GASK1A: variants seen among roughly 807,000 people sequenced by gnomAD.
GASK1A encodes golgi associated kinase 1A, also known as Golgi-associated kinase 1A.
In GASK1A, 40 loss-of-function variants were observed where a neutral mutation model predicts 41.2. The ratio of observed to expected loss-of-function variants is 0.97; its 90% CI spans 0.75 to 1.27. The LOEUF (loss-of-function observed/expected upper bound fraction) is 1.27. Ranked by LOEUF, GASK1A falls within the 50% of genes most tolerant of loss-of-function variation. The probability of loss-of-function intolerance (pLI) is 0.00; values close to 1 mark genes in which losing one functional copy is unlikely to be tolerated. For synonymous variants in GASK1A, 316 were observed against 307.1 expected, an observed-to-expected ratio of 1.03 and a Z score of -0.30; for missense variants, 678 against 745.1, an observed-to-expected ratio of 0.91 and a Z score of 1.05.
intron 1 of GASK1A, among the ~76,000 whole-genome samples, chr3:43,011,995 T>A (rs2089465939): frequency 6.6e-6 from 1 of 150,876 alleles, no homozygotes; most frequent in African/African-American, 2.4e-5. Flanking sequence ...AAAGGGGCTG[T>A]GTGAAGTAAC....
rs1035734145 is a variant in GASK1A, at chr3:42,979,589, A to T, written c.-54A>T. 11 of 1,239,762 alleles carry T rather than the reference A, an allele frequency of 8.9e-6. No homozygotes were observed. In the East Asian group the frequency reaches 3.5e-4, roughly 39 times the overall value. The allele number at this position is 1,239,762 out of a possible 1,614,324, so 76.8% of individuals were successfully genotyped here. A position where few individuals can be genotyped will look rare whatever the true frequency, so the allele number is the denominator to read the frequency against. ...GGGGCGGCCAAGGGGAGGCGGGATG[A>T]GTCTGCGAGCCGGCTGAGCGCGCCG... On this transcript the variant is annotated 5_prime_UTR_variant, in exon 1 of 5. Coordinates refer to ENST00000430121, the MANE Select transcript of GASK1A (RefSeq NM_001129908.3).
chr3:43,030,425 G>A (rs139659209), intron 1 of GASK1A, among the ~76,000 whole-genome samples: 287 of 152,322 alleles, frequency 1.9e-3, no homozygotes, highest in Non-Finnish European at 3.4e-3. Flanking sequence ...AGTGAGAATG[G>A]GTTTCGTGGA....
At position 43,040,075 on chromosome 3, in the gene GASK1A, A is replaced by T. The variant is rs573564863; in HGVS notation, c.1290+6522A>T. On this transcript the variant is annotated intron_variant, in intron 2 of 4. Transcript: ENST00000430121. ...TCTCTGATTTTTACGTTCGTGTGTT[A>T]TATTTTAAAAGGCTATTCTCATTTC... Among the ~76,000 whole-genome samples, 3 of 152,294 alleles carry T rather than the reference A, an allele frequency of 2.0e-5. No individual in the cohort carries two copies. The East Asian group carries it at 5.8e-4, about 29-fold the overall frequency.
intron 1 of GASK1A, among the ~76,000 whole-genome samples, chr3:42,996,167 C>T (rs2089368274): frequency 6.6e-6 from 1 of 152,220 alleles, no homozygotes; most frequent in Non-Finnish European, 1.5e-5. Flanking sequence ...CTATGGGGCT[C>T]TTGCTCTCAG....
chr3:43,007,275 A>G (rs942306506), intron 1 of GASK1A, among the ~76,000 whole-genome samples: 5 of 152,162 alleles, frequency 3.3e-5, no homozygotes, highest in Admixed American at 2.0e-4. Context: ...GCAATATTTC[A>G]ATGTTCAGCA....
At chr3:42,998,681 C>CG (rs1349278562) in intron 1 of GASK1A, among the ~76,000 whole-genome samples, 3 of 152,148 alleles carry the variant, frequency 2.0e-5, no homozygotes, top group African/African-American at 7.2e-5. Context: ...CTATGACAGA[C>CG]GGCCCTGTGT....
At chr3:43,006,725 A>G (rs865859401) in intron 1 of GASK1A, among the ~76,000 whole-genome samples, 1 of 152,170 alleles carries the variant, frequency 6.6e-6, no homozygotes, top group Non-Finnish European at 1.5e-5. Flanking sequence ...CTGGAGGCTT[A>G]TGTGCTGTTA....
At chr3:42,980,164 G>T (rs898732155) in intron 1 of GASK1A, among the ~76,000 whole-genome samples, 1 of 152,046 alleles carries the variant, frequency 6.6e-6, no homozygotes, top group Non-Finnish European at 1.5e-5. Context: ...GTTCCAATCC[G>T]CCTTCCTCTA....
chr3:43,045,667 C>A (rs926526795), intron 2 of GASK1A, among the ~76,000 whole-genome samples: 1 of 152,134 alleles, frequency 6.6e-6, no homozygotes, highest in Non-Finnish European at 1.5e-5. Flanking sequence ...GGAGTAGGCT[C>A]ATATATGGGT....
At chr3:43,037,521 C>T in intron 2 of GASK1A, 1 of 424,660 alleles carries the variant, frequency 2.4e-6, no homozygotes, top group Admixed American at 3.6e-5. Context: ...AGAGAAAGAA[C>T]CTGCAGTTAT....
At chr3:42,985,586 T>TGTGTGGGG (rs1237908326) in intron 1 of GASK1A, among the ~76,000 whole-genome samples, 105 of 144,348 alleles carry the variant, frequency 7.3e-4, no homozygotes, top group South Asian at 1.8e-3. Flanking sequence ...TGTGTGTGTG[T>TGTGTGGGG]GGGCGGAGGC....
At chr3:42,992,824 A>G (rs2089348102) in intron 1 of GASK1A, among the ~76,000 whole-genome samples, 1 of 152,250 alleles carries the variant, frequency 6.6e-6, no homozygotes, top group East Asian at 1.9e-4. Context: ...CCAGAATCAC[A>G]GCAGATTCAC....
At chr3:42,982,063 AAAAAG>A (rs1270005754) in intron 1 of GASK1A, among the ~76,000 whole-genome samples, 6 of 152,230 alleles carry the variant, frequency 3.9e-5, no homozygotes, top group Non-Finnish European at 8.8e-5. Flanking sequence ...GAAAAAAAGA[AAAAAG>A]AAAAGAGCAT....
rs2125687155 is a variant in GASK1A, at chr3:43,033,616, C to G, written c.1290+63C>G. On this transcript the variant is annotated intron_variant, in intron 2 of 4. Transcript: ENST00000430121. Reference sequence around the variant, plus strand: ...AGGTAGGGGGTTCTGGGTGGAGAGGCCTGAATTGCCCACCTGAGGTTAGAT... The same window carrying G: ...AGGTAGGGGGTTCTGGGTGGAGAGGGCTGAATTGCCCACCTGAGGTTAGAT... The G allele has an allele frequency of 2.9e-6, 4 of 1,395,926 alleles. No individual in the cohort carries two copies. In the South Asian group the frequency reaches 6.1e-5, roughly 21 times the overall value. 86.5% of individuals were successfully genotyped at this position (1,395,926 alleles called of 1,614,324 possible).
chr3:42,979,771 C>T (rs1029966149), intron 1 of GASK1A, 126 bp downstream of exon 1: 7 of 992,938 alleles, frequency 7.0e-6, no homozygotes, highest in African/African-American at 1.7e-5. Context: ...CGGAGTTGTT[C>T]CCCGAAAGTT....
intron 1 of GASK1A, among the ~76,000 whole-genome samples, chr3:43,017,375 A>AGGAAGGGGCAGTGGGAAGTCATG (rs1559401574): frequency 2.0e-5 from 3 of 149,866 alleles, no homozygotes; most frequent in Non-Finnish European, 4.4e-5. Flanking sequence ...GTGAAGTCAT[A>AGGAAGGGGCAGTGGGAAGTCATG]GGAAGGGGCA....
At chr3:43,010,339 C>T (rs1470097923) in intron 1 of GASK1A, among the ~76,000 whole-genome samples, 1 of 152,200 alleles carries the variant, frequency 6.6e-6, no homozygotes, top group Admixed American at 6.5e-5. Flanking sequence ...TCAGTAGAAC[C>T]CTAATGCTTT....
At chr3:43,010,684 C>G (rs961469793) in intron 1 of GASK1A, among the ~76,000 whole-genome samples, 1 of 152,236 alleles carries the variant, frequency 6.6e-6, no homozygotes, top group Admixed American at 6.5e-5. Flanking sequence ...ACTTCCTCCC[C>G]ACACCCATCC....
intron 1 of GASK1A, among the ~76,000 whole-genome samples, chr3:43,000,814 G>A (rs1391943354): frequency 6.6e-6 from 1 of 152,176 alleles, no homozygotes. Flanking sequence ...CATTGTAGTT[G>A]TATTTTGGGG....
Sources: gnomAD v4.1 joint callset for allele counts (sites outside exome capture counted in the v4.1 genomes callset) on GRCh38, gnomAD v4.1.1 for gene constraint, MANE v1.5 for transcripts, NCBI Gene and HGNC (gene_info 2026-07-23, HGNC 2026-07-21) for gene names.